Variants in FERMT2 observed in about 807,000 individuals in gnomAD.
FERMT2 encodes FERM domain containing kindlin 2.
FERMT2 carries 15 observed loss-of-function variants against 82.7 expected under a neutral mutation model. The observed-to-expected ratio is 0.18, with a 90% CI of 0.12 to 0.28. FERMT2 has a LOEUF of 0.28. FERMT2 is among the 10% of genes least tolerant of loss of function. The probability of loss-of-function intolerance (pLI) is 1.00; values close to 1 mark genes in which losing one functional copy is unlikely to be tolerated. For missense variants in FERMT2, 645 were observed against 809.4 expected (o/e 0.80, Z 2.46); for synonymous variants, 274 against 271.5 (o/e 1.01, Z -0.09).
intron 3 of FERMT2, among the ~76,000 whole-genome samples, chr14:52,916,814 T>C (rs1888640343): frequency 6.6e-6 from 1 of 152,214 alleles, no homozygotes; most frequent in Admixed American, 6.5e-5. Context: ...CTCTGTACTT[T>C]TGCTCAACTT....
intron 10 of FERMT2, among the ~76,000 whole-genome samples, chr14:52,866,780 A>G (rs1885305865): frequency 6.6e-6 from 1 of 152,204 alleles, no homozygotes; most frequent in Admixed American, 6.5e-5. Flanking sequence ...GAAAGCCACC[A>G]GAAGTTAAGT....
intron 2 of FERMT2, among the ~76,000 whole-genome samples, chr14:52,920,997 A>C (rs1424821036): frequency 1.3e-5 from 2 of 152,232 alleles, no homozygotes; most frequent in African/African-American, 4.8e-5. Flanking sequence ...TAAAACTATC[A>C]TGCTTCTGAG....
At chr14:52,921,217 GAAGA>G (rs1166871799) in intron 2 of FERMT2, among the ~76,000 whole-genome samples, 1 of 152,108 alleles carries the variant, frequency 6.6e-6, no homozygotes, top group Non-Finnish European at 1.5e-5. Context: ...TCTCATTATG[GAAGA>G]AACATGCCAC....
chr14:52,890,160 C>A (rs1475120056), intron 4 of FERMT2, among the ~76,000 whole-genome samples: 1 of 148,644 alleles, frequency 6.7e-6, no homozygotes, highest in Non-Finnish European at 1.5e-5. Context: ...AGGCTGGGTG[C>A]GGTGGCTCAC....
At chr14:52,950,342 C>G (rs975524017) in intron 2 of FERMT2, 70 bp downstream of exon 2, 5 of 1,499,524 alleles carry the variant, frequency 3.3e-6, no homozygotes, top group Admixed American at 3.6e-5. Context: ...CCTCCCCCGT[C>G]GTGAGCCTCT....
chr14:52,920,470 T>A (rs4901314), intron 2 of FERMT2, among the ~76,000 whole-genome samples: 21,994 of 145,858 alleles, frequency 0.15, 1,802 homozygotes, highest in African/African-American at 0.23. Context: ...ATCTCTATAA[T>A]TTTTTTTTTT....
rs1411349107 is a variant in FERMT2, at chr14:52,886,677, G to A, written c.527-5208C>T. ...ATTGCAGAGCATAAAATATATATTA[G>A]GATCTCATTTATGTTATTAAAATAA... On this transcript the variant is annotated intron_variant, in intron 4 of 14. Transcript: ENST00000341590. Among the ~76,000 whole-genome samples the A allele has an allele frequency of 2.0e-4, 30 of 152,012 alleles. 1 individual carries two copies. Among genetic ancestry groups the A allele is most frequent in the Non-Finnish European group, 2.9e-5 (2 of 68,008 alleles).
At chr14:52,919,511 AG>A (rs2139640338) in intron 2 of FERMT2, among the ~76,000 whole-genome samples, 155 bp from the exon 3 acceptor site, 2 of 152,356 alleles carry the variant, frequency 1.3e-5, no homozygotes, top group South Asian at 4.1e-4. Context: ...TTAACAGCTG[AG>A]AAAACACGCT....
At chr14:52,892,171 T>TG (rs1886974967) in intron 4 of FERMT2, among the ~76,000 whole-genome samples, 1 of 15,504 alleles carries the variant, frequency 6.4e-5, no homozygotes, top group African/African-American at 8.2e-5. Flanking sequence ...TTTTTGTTTT[T>TG]TTTTTTTTTT....
chr14:52,937,765 T>C lies in FERMT2; in HGVS notation c.157+12647A>G, dbSNP rs17125948. 4.6e-3 allele frequency among the ~76,000 whole-genome samples: 696 copies of C among 152,316 alleles called. 2 individuals are homozygous for C. Among genetic ancestry groups the C allele is most frequent in the African/African-American group, 0.016 (664 of 41,560 alleles). ...CTACCAAAAATAGAGCATGAATGTA[T>C]AGAATTATCTCTATGCAGGAATGTT... On this transcript the variant is annotated intron_variant, in intron 2 of 14. Transcript: ENST00000341590.
chr14:52,894,067 A>G (rs1298287012), intron 3 of FERMT2, among the ~76,000 whole-genome samples: 1 of 152,120 alleles, frequency 6.6e-6, no homozygotes, highest in Non-Finnish European at 1.5e-5. Context: ...ACCTCAGGTG[A>G]TCCGCCTGCC....
intron 2 of FERMT2, among the ~76,000 whole-genome samples, chr14:52,944,722 A>T (rs925621941): frequency 3.9e-5 from 6 of 152,218 alleles, no homozygotes; most frequent in African/African-American, 1.4e-4. Context: ...TGGTAACTTT[A>T]TTAAAATCTA....
At chr14:52,883,119 C>T (rs947159489) in intron 4 of FERMT2, among the ~76,000 whole-genome samples, 3 of 152,126 alleles carry the variant, frequency 2.0e-5, no homozygotes, top group Admixed American at 6.6e-5. Flanking sequence ...CATCAATGCA[C>T]TCCAGTCTAG....
At chr14:52,902,887 A>AAAAAAAAC (rs1417117125) in intron 3 of FERMT2, among the ~76,000 whole-genome samples, 6 of 139,452 alleles carry the variant, frequency 4.3e-5, no homozygotes, top group African/African-American at 1.6e-4. Context: ...AAAAAAAAAA[A>AAAAAAAAC]AAAACCCCAA....
chr14:52,949,378 TA>T (rs1161313730), intron 2 of FERMT2, among the ~76,000 whole-genome samples: 57 of 118,172 alleles, frequency 4.8e-4, no homozygotes, highest in Admixed American at 6.3e-4. Context: ...ATGCTGTGTT[TA>T]AAAAAAAAAA....
At chr14:52,927,075 A>C (rs893322563) in intron 2 of FERMT2, among the ~76,000 whole-genome samples, 3 of 152,102 alleles carry the variant, frequency 2.0e-5, no homozygotes, top group Non-Finnish European at 4.4e-5. Context: ...AATCAACAAA[A>C]ATATCCTCCC....
chr14:52,860,174 G>T, intron 13 of FERMT2, 167 bp downstream of exon 13: 1 of 571,288 alleles, frequency 1.8e-6, no homozygotes, highest in Non-Finnish European at 2.9e-6. Context: ...TTTTAATGTA[G>T]AAATTAAAAG....
chr14:52,913,195 CTGAGTA>C (rs1425993349), intron 3 of FERMT2, among the ~76,000 whole-genome samples: 1 of 152,190 alleles, frequency 6.6e-6, no homozygotes, highest in African/African-American at 2.4e-5. Context: ...TGAAATACCT[CTGAGTA>C]TATCTTTAGG....
At chr14:52,894,442 G>A (rs899363758) in intron 3 of FERMT2, among the ~76,000 whole-genome samples, 6 of 152,108 alleles carry the variant, frequency 3.9e-5, no homozygotes, top group African/African-American at 1.4e-4. Context: ...ATATGAAAAT[G>A]AGAACAATCC....
Sources: gnomAD v4.1 joint callset for allele counts (sites outside exome capture counted in the v4.1 genomes callset) on GRCh38, gnomAD v4.1.1 for gene constraint, MANE v1.5 for transcripts, NCBI Gene and HGNC (gene_info 2026-07-23, HGNC 2026-07-21) for gene names.